The following AOX1 variants were observed in gnomAD, a reference collection of about 807,000 sequenced individuals.
The protein encoded by AOX1 is aldehyde oxidase 1, also known as aldehyde oxidase.
Under a neutral mutation model 169.5 loss-of-function variants are expected in AOX1, and 153 were observed. The ratio of observed to expected loss-of-function variants is 0.90; its 90% CI spans 0.79 to 1.03. The LOEUF (loss-of-function observed/expected upper bound fraction) is 1.03. Among genes scored for constraint, AOX1 ranks in the 50% least tolerant of loss-of-function variants. The probability of loss-of-function intolerance (pLI) is 0.00; values close to 1 mark genes in which losing one functional copy is unlikely to be tolerated. For synonymous variants in AOX1, 562 were observed against 581.9 expected (o/e 0.97, Z 0.49); for missense variants, 1,656 against 1,663.9 (o/e 1.00, Z 0.08).
downstream of AOX1, chr2:200,681,489 G>A (rs1051142522): frequency 6.6e-6 from 1 of 152,646 alleles, no homozygotes; most frequent in African/African-American, 2.4e-5. Flanking sequence ...AATCTTGAGT[G>A]GTAAGTCTCT....
downstream of AOX1, among the ~76,000 whole-genome samples, chr2:200,674,365 TG>T (rs1228965017): frequency 2.0e-5 from 3 of 149,986 alleles, no homozygotes; most frequent in Non-Finnish European, 4.4e-5. Context: ...AAAACAGGAG[TG>T]GTGCAACCCA....
chr2:200,625,407 A>C (rs989068917), intron 19 of AOX1, among the ~76,000 whole-genome samples: 3 of 152,176 alleles, frequency 2.0e-5, no homozygotes, highest in Admixed American at 6.5e-5. Context: ...CCCAATAAGC[A>C]AATATAATAG....
chr2:200,595,840 C>G (rs2034272673), intron 3 of AOX1, among the ~76,000 whole-genome samples: 1 of 152,232 alleles, frequency 6.6e-6, no homozygotes, highest in Admixed American at 6.5e-5. Context: ...TCTCCTTCCT[C>G]CCATCTGGTG....
chr2:200,634,655 A>G (rs1574939884), intron 20 of AOX1, 136 bp from the exon 21 acceptor site: 2 of 1,082,426 alleles, frequency 1.8e-6, no homozygotes, highest in East Asian at 5.2e-5. Context: ...AAAGCTAAAC[A>G]TTGTTGTTTG....
intron 10 of AOX1, among the ~76,000 whole-genome samples, chr2:200,606,036 G>A (rs752876924): frequency 2.6e-5 from 4 of 152,138 alleles, no homozygotes; most frequent in Admixed American, 6.5e-5. Context: ...TGCTTTTAGT[G>A]TTTTAGTCAT....
chr2:200,650,863 C>G (rs1027179978), intron 25 of AOX1, 111 bp from the exon 26 acceptor site: 1 of 889,734 alleles, frequency 1.1e-6, no homozygotes, highest in African/African-American at 1.7e-5. Flanking sequence ...CTCAGTAGAA[C>G]TTGGCTTGGA....
chr2:200,644,428 T>C (rs1461716029), intron 25 of AOX1, among the ~76,000 whole-genome samples: 1 of 152,228 alleles, frequency 6.6e-6, no homozygotes, highest in South Asian at 2.1e-4. Flanking sequence ...TTTTATACAC[T>C]ACTACACCAT....
chr2:200,613,764 A>AT, intron 14 of AOX1, 40 bp from the exon 15 acceptor site: 1 of 1,584,154 alleles, frequency 6.3e-7, no homozygotes, highest in Non-Finnish European at 8.6e-7. Flanking sequence ...TGGGGTAATA[A>AT]ACCCTGTCAG....
At chr2:200,598,038 G>C (rs2034324159) in intron 4 of AOX1, among the ~76,000 whole-genome samples, 1 of 151,986 alleles carries the variant, frequency 6.6e-6, no homozygotes, top group African/African-American at 2.4e-5. Context: ...AGCCTGGGAG[G>C]TTGAGGCTGC....
chr2:200,651,457 G>A (rs1048546647), intron 26 of AOX1, among the ~76,000 whole-genome samples: 1 of 152,120 alleles, frequency 6.6e-6, no homozygotes, highest in African/African-American at 2.4e-5. Context: ...TTTACTCCTG[G>A]CCCTGGCAAC....
Position 200,669,651 on chromosome 2 carries a change from A to C in AOX1, c.3875A>C (p.Gln1292Pro). 2 of 1,614,096 alleles carry C rather than the reference A, an allele frequency of 1.2e-6. No individual in the cohort carries two copies. The change falls in exon 34 of 35, where the codon CAG becomes CCG. Residue 1292 changes from glutamine (Q) to proline (P), a missense_variant. Physicochemically the swap from Gln to Pro is moderately conservative, Grantham distance 76. Transcript: ENST00000374700. ...CATGACGCAGTGAGTGCAGCACGAC[A>C]GGAGAGAGGCCTGCATGGACCCTTG... ...AIHDAVSAAR[Q>P]ERGLHGPLTL...
chr2:200,595,421 G>A (rs2034263322), intron 3 of AOX1, 53 bp downstream of exon 3: 2 of 1,336,250 alleles, frequency 1.5e-6, no homozygotes, highest in African/African-American at 1.5e-5. Context: ...TTTGAACTTT[G>A]TTATATTCCT....
intron 7 of AOX1, 110 bp from the exon 8 acceptor site, chr2:200,603,907 T>C: frequency 1.4e-6 from 1 of 740,396 alleles, no homozygotes; most frequent in Non-Finnish European, 2.3e-6. Flanking sequence ...CCAGTGGACT[T>C]TTTTGTCGGT....
At chr2:200,588,726 C>CTGTTTTTTTTTTTTTTTTTTTT (rs2034095923) in intron 1 of AOX1, among the ~76,000 whole-genome samples, 1 of 53,986 alleles carries the variant, frequency 1.9e-5, no homozygotes, top group East Asian at 4.9e-4. Context: ...CTAGAATAAG[C>CTGTTTTTTTTTTTTTTTTTTTT]TTTTTTTTTT....
chr2:200,663,593 C>T (rs1050046269), intron 31 of AOX1, among the ~76,000 whole-genome samples: 1 of 125,054 alleles, frequency 8.0e-6, no homozygotes, highest in Non-Finnish European at 1.7e-5. Flanking sequence ...CTCTCTCTCT[C>T]TCTCCCCCTC....
At position 200,612,599 on chromosome 2, in the gene AOX1, T is replaced by C. The variant is rs2034661404; in HGVS notation, c.1264-10T>C. The C allele has an allele frequency of 6.2e-7, 1 of 1,612,448 alleles. No individual in the cohort carries two copies. Among genetic ancestry groups the C allele is most frequent in the Middle Eastern group, 1.9e-4 (1 of 5,388 alleles). ...TGTTTCTACATGTGCCACTTAACTG[T>C]TTCTTTCAGTGGGAATTTGTGTCAG... On this transcript the variant is annotated splice_polypyrimidine_tract_variant and intron_variant, in intron 13 of 34. Transcript: ENST00000374700.
intron 12 of AOX1, among the ~76,000 whole-genome samples, chr2:200,610,668 T>C (rs1324628840): frequency 1.3e-5 from 2 of 152,132 alleles, no homozygotes; most frequent in African/African-American, 4.8e-5. Flanking sequence ...GGTTCCTGGT[T>C]ATAAACAATA....
intron 25 of AOX1, among the ~76,000 whole-genome samples, chr2:200,649,386 G>T (rs142515896): frequency 6.6e-6 from 1 of 152,272 alleles, no homozygotes; most frequent in African/African-American, 2.4e-5. Context: ...TTCTCCCGTG[G>T]GGGTGTGTGT....
At chr2:200,630,398 C>G (rs907790113) in intron 20 of AOX1, among the ~76,000 whole-genome samples, 4 of 151,672 alleles carry the variant, frequency 2.6e-5, no homozygotes, top group African/African-American at 9.7e-5. Context: ...TGACAAACAC[C>G]TGTAATCCCA....
Sources: gnomAD v4.1 joint callset for allele counts (sites outside exome capture counted in the v4.1 genomes callset) on GRCh38, gnomAD v4.1.1 for gene constraint, MANE v1.5 for transcripts, NCBI Gene and HGNC (gene_info 2026-07-23, HGNC 2026-07-21) for gene names.